The following NKAIN2 variants were observed in gnomAD, a reference collection of about 807,000 sequenced individuals.
NKAIN2 encodes the protein sodium/potassium transporting ATPase interacting 2, also known as sodium/potassium-transporting ATPase subunit beta-1-interacting protein 2.
Under a neutral mutation model 32.6 loss-of-function variants are expected in NKAIN2, and 14 were observed. The observed-to-expected ratio is 0.43, with a 90% CI of 0.28 to 0.67. NKAIN2 has a LOEUF of 0.67. NKAIN2 is among the 30% of genes least tolerant of loss of function. The pLI is 0.17. For synonymous variants in NKAIN2, 80 were observed against 87.2 expected, an observed-to-expected ratio of 0.92 and a Z score of 0.46; for missense variants, 198 against 258.3, an observed-to-expected ratio of 0.77 and a Z score of 1.60.
chr6:124,535,278 G>A (rs902647777), intron 3 of NKAIN2, among the ~76,000 whole-genome samples: 1 of 152,200 alleles, frequency 6.6e-6, no homozygotes, highest in African/African-American at 2.4e-5. Context: ...ACAGTAGTTA[G>A]CACATTGCTG....
chr6:124,003,057 T>A (rs888189182), intron 1 of NKAIN2, among the ~76,000 whole-genome samples: 1 of 152,216 alleles, frequency 6.6e-6, no homozygotes, highest in Non-Finnish European at 1.5e-5. Context: ...AGAAGATAAT[T>A]CTGATATCTC....
At chr6:124,533,898 T>G (rs1484523885) in intron 3 of NKAIN2, among the ~76,000 whole-genome samples, 2 of 152,158 alleles carry the variant, frequency 1.3e-5, no homozygotes, top group Non-Finnish European at 2.9e-5. Context: ...CTCACACGTA[T>G]GAAGGACTGA....
chr6:124,329,760 G>A (rs1797577541), intron 2 of NKAIN2, among the ~76,000 whole-genome samples: 1 of 152,164 alleles, frequency 6.6e-6, no homozygotes, highest in South Asian at 2.1e-4. Flanking sequence ...CAGACTGGCA[G>A]CATCTAGGTG....
chr6:123,853,143 T>G (rs932367605), intron 1 of NKAIN2, among the ~76,000 whole-genome samples: 7 of 152,154 alleles, frequency 4.6e-5, no homozygotes, highest in Non-Finnish European at 7.4e-5. Context: ...AGCAAGAATC[T>G]TTTTTTGGAT....
intron 3 of NKAIN2, among the ~76,000 whole-genome samples, chr6:124,542,494 A>G: frequency 6.6e-6 from 1 of 152,202 alleles, no homozygotes; most frequent in African/African-American, 2.4e-5. Flanking sequence ...CAAGACACAT[A>G]GGCAGAAACA....
chr6:124,792,668 A>G (rs1170068911), intron 5 of NKAIN2, among the ~76,000 whole-genome samples: 1 of 152,136 alleles, frequency 6.6e-6, no homozygotes, highest in East Asian at 1.9e-4. Context: ...TATAGAGAAC[A>G]GTTTTGAGCT....
intron 3 of NKAIN2, among the ~76,000 whole-genome samples, chr6:124,491,026 T>G (rs1347220243): frequency 1.3e-5 from 2 of 152,048 alleles, no homozygotes; most frequent in Non-Finnish European, 2.9e-5. Flanking sequence ...TTTCTATATT[T>G]ATAAATTTCT....
chr6:124,236,093 G>A (rs1312464787), intron 1 of NKAIN2, among the ~76,000 whole-genome samples: 1 of 151,954 alleles, frequency 6.6e-6, no homozygotes, highest in East Asian at 1.9e-4. Flanking sequence ...ATCTAGTAAA[G>A]ACTATATTTT....
intron 4 of NKAIN2, among the ~76,000 whole-genome samples, chr6:124,731,601 C>G (rs1776677333): frequency 6.7e-6 from 1 of 149,156 alleles, no homozygotes; most frequent in South Asian, 2.2e-4. Context: ...GGAGATATAC[C>G]TAATGCTAGA....
intron 3 of NKAIN2, among the ~76,000 whole-genome samples, chr6:124,440,201 T>G (rs1775631132): frequency 6.6e-6 from 1 of 152,056 alleles, no homozygotes; most frequent in South Asian, 2.1e-4. Context: ...AGTCCTGAGG[T>G]AGGACTGATG....
chr6:124,622,820 C>A (rs1783159861), intron 3 of NKAIN2, among the ~76,000 whole-genome samples: 1 of 152,136 alleles, frequency 6.6e-6, no homozygotes, highest in Non-Finnish European at 1.5e-5. Context: ...TTCTCTCTTT[C>A]TCTGCCGCAT....
At chr6:124,743,118 C>T (rs187946804) in intron 4 of NKAIN2, among the ~76,000 whole-genome samples, 5 of 151,928 alleles carry the variant, frequency 3.3e-5, no homozygotes, top group East Asian at 2.0e-4. Flanking sequence ...AAAGTACAGA[C>T]GCTGGAGTCA....
At position 124,206,199 on chromosome 6, in the gene NKAIN2, G is replaced by A. The variant is rs138382706; in HGVS notation, c.55-76806G>A. On this transcript the variant is annotated intron_variant, in intron 1 of 6. Transcript: ENST00000368417. ...CTATTACTTTTTCCTATTTAAGCAC[G>A]AGCCTAAAGAATTAACCACGTGTTG... Among the ~76,000 whole-genome samples the A allele has an allele frequency of 5.3e-4, 81 of 151,932 alleles. No homozygotes were observed. In the East Asian group the frequency reaches 8.3e-3, roughly 16 times the overall value.
chr6:124,250,992 A>T (rs866750140), intron 1 of NKAIN2, among the ~76,000 whole-genome samples: 1 of 152,040 alleles, frequency 6.6e-6, no homozygotes, highest in Non-Finnish European at 1.5e-5. Flanking sequence ...CAGCTAAAGT[A>T]ATCACTAAAA....
At chr6:124,488,100 A>C (rs990895799) in intron 3 of NKAIN2, among the ~76,000 whole-genome samples, 5 of 152,126 alleles carry the variant, frequency 3.3e-5, no homozygotes. Flanking sequence ...AGTATGACTA[A>C]TGCAGCATGC....
intron 3 of NKAIN2, among the ~76,000 whole-genome samples, chr6:124,650,815 A>T (rs1468638293): frequency 6.6e-6 from 1 of 152,156 alleles, no homozygotes; most frequent in Admixed American, 6.5e-5. Flanking sequence ...TCACATGCAA[A>T]ATATATTCAT....
intron 1 of NKAIN2, among the ~76,000 whole-genome samples, chr6:124,052,214 A>G (rs1166799785): frequency 3.3e-5 from 5 of 152,064 alleles, no homozygotes; most frequent in Non-Finnish European, 5.9e-5. Flanking sequence ...CAAATAATTT[A>G]CTGATGTTTT....
At chr6:123,889,259 A>G (rs145443989) in intron 1 of NKAIN2, among the ~76,000 whole-genome samples, 1 of 152,188 alleles carries the variant, frequency 6.6e-6, no homozygotes, top group East Asian at 1.9e-4. Context: ...GACTTGACAT[A>G]TGCGGAGCTG....
chr6:124,092,459 G>A (rs1030550923), intron 1 of NKAIN2, among the ~76,000 whole-genome samples: 1 of 151,898 alleles, frequency 6.6e-6, no homozygotes, highest in African/African-American at 2.4e-5. Context: ...CCTTCCTGTT[G>A]ATTTTTAAAA....
Sources: gnomAD v4.1 joint callset for allele counts (sites outside exome capture counted in the v4.1 genomes callset) on GRCh38, gnomAD v4.1.1 for gene constraint, MANE v1.5 for transcripts, NCBI Gene and HGNC (gene_info 2026-07-23, HGNC 2026-07-21) for gene names.